FDX2: variants seen among roughly 807,000 people sequenced by gnomAD.
FDX2 encodes ferredoxin-2, mitochondrial.
Under a neutral mutation model 18.5 loss-of-function variants are expected in FDX2, and 13 were observed. The ratio of observed to expected loss-of-function variants is 0.70; its 90% CI spans 0.46 to 1.12. FDX2 has a LOEUF of 1.12. Among genes scored for constraint, FDX2 ranks in the 50% most tolerant of loss-of-function variants. The pLI is 0.00. For synonymous variants in FDX2, 132 were observed against 106.2 expected (o/e 1.24, Z -1.49); for missense variants, 238 against 250.4 (o/e 0.95, Z 0.34).
chr19:10,315,258 G>A (rs886444385), intron 3 of FDX2, 128 bp downstream of exon 3: 5 of 706,374 alleles, frequency 7.1e-6, no homozygotes, highest in Non-Finnish European at 1.2e-5. Context: ...ATGGTGAGGG[G>A]TTTGGATTTT....
chr19:10,311,221 T>C (rs1435990437), intron 3 of FDX2, among the ~76,000 whole-genome samples: 1 of 152,036 alleles, frequency 6.6e-6, no homozygotes, highest in Non-Finnish European at 1.5e-5. Context: ...AGCAGGGACT[T>C]GGCTGCCAGG....
intron 3 of FDX2, among the ~76,000 whole-genome samples, chr19:10,312,762 C>G (rs946064480): frequency 4.6e-5 from 7 of 151,966 alleles, no homozygotes; most frequent in Non-Finnish European, 8.8e-5. Flanking sequence ...TGGTCTTGAT[C>G]TCCTGACCTC....
intron 3 of FDX2, among the ~76,000 whole-genome samples, chr19:10,311,777 T>C (rs1568306663): frequency 6.8e-6 from 1 of 147,738 alleles, no homozygotes; most frequent in Non-Finnish European, 1.5e-5. Context: ...AGTCATAGCT[T>C]ACTGCCTCAA....
intron 3 of FDX2, among the ~76,000 whole-genome samples, chr19:10,313,829 C>T (rs775134872): frequency 4.0e-5 from 6 of 149,144 alleles, no homozygotes; most frequent in Admixed American, 6.7e-5. Context: ...GGACTACAGG[C>T]GCCCACCACC....
At chr19:10,312,860 G>A (rs1193828317) in intron 3 of FDX2, among the ~76,000 whole-genome samples, 1 of 152,034 alleles carries the variant, frequency 6.6e-6, no homozygotes, top group East Asian at 1.9e-4. Context: ...CTACTAGCCC[G>A]GCACAGTGGC....
intron 3 of FDX2, among the ~76,000 whole-genome samples, chr19:10,313,125 G>A (rs1253675088): frequency 6.6e-6 from 1 of 152,158 alleles, no homozygotes; most frequent in African/African-American, 2.4e-5. Flanking sequence ...GTGATAGAGC[G>A]AGACTCTGTC....
In FDX2 at chr19:10,316,014, T is replaced by C; in HGVS notation, c.-9A>G. 1.3e-6 allele frequency: 2 copies of C among 1,593,210 alleles called. No individual in the cohort carries two copies. The highest frequency in any genetic ancestry group is 1.7e-6 in the Non-Finnish European group (2 of 1,174,852). ...GCGGCCATGACATGCATCACGTGAC[T>C]CACCGACTGAGCATGCGCCGCGCCA... is the stretch of plus-strand genomic sequence containing the variant. On this transcript the variant is annotated 5_prime_UTR_variant, in exon 1 of 5. Coordinates refer to ENST00000393708, the MANE Select transcript of FDX2 (RefSeq NM_001031734.4).
chr19:10,314,535 T>A (rs2040357308), intron 3 of FDX2, among the ~76,000 whole-genome samples: 1 of 151,110 alleles, frequency 6.6e-6, no homozygotes, highest in African/African-American at 2.4e-5. Flanking sequence ...ATCATGGCAC[T>A]CCAGCATTGG....
In FDX2 at chr19:10,310,381, C is replaced by A; in HGVS notation, c.*105G>T. On this transcript the variant is annotated 3_prime_UTR_variant, in exon 5 of 5. Coordinates refer to ENST00000393708, the MANE Select transcript of FDX2 (RefSeq NM_001031734.4). ...GTGTTGTCCTTCACAGGGGCTTCCA[C>A]GTCTCTCCCGGGCCTGTCCGCACTC... The A allele has an allele frequency of 6.8e-7, 1 of 1,464,996 alleles. No homozygotes were observed. Among genetic ancestry groups the A allele is most frequent in the Admixed American group, 2.0e-5 (1 of 51,148 alleles). 90.7% of individuals were successfully genotyped at this position (1,464,996 alleles called of 1,614,324 possible). A position where few individuals can be genotyped will look rare whatever the true frequency, so the allele number is the denominator to read the frequency against.
chr19:10,310,930 TTCACAGGCCCCTAGG>T lies in FDX2; in HGVS notation c.317-5_326del. ...GGCAGGTGGAGCAGGCCAGGGAGGC[TTCACAGGCCCCTAGG>T]GGTGGGAAGTGAAGGGGGCGCAGGT... On this transcript the variant is annotated splice_acceptor_variant and splice_polypyrimidine_tract_variant and coding_sequence_variant and intron_variant, in exon 4 of 5. Transcript: ENST00000393708. LOFTEE classifies it high-confidence loss of function. The T allele has an allele frequency of 6.2e-7, 1 of 1,612,102 alleles. No individual in the cohort carries two copies. Among genetic ancestry groups the T allele is most frequent in the African/African-American group, 1.3e-5 (1 of 74,966 alleles).
At position 10,310,847 on chromosome 19, in the gene FDX2, A is replaced by T. The variant is rs1568306315; in HGVS notation, c.404+6T>A. ...GCTGCCAGCTAGACAGGGCTGACCCACTCACCTCTCCTCGGGAGGAGGCAG... is the reference window on the plus strand; with the variant it reads ...GCTGCCAGCTAGACAGGGCTGACCCTCTCACCTCTCCTCGGGAGGAGGCAG... On this transcript the variant is annotated splice_donor_region_variant and intron_variant, in intron 4 of 4. Transcript: ENST00000393708. 1.2e-6 allele frequency: 2 copies of T among 1,612,992 alleles called. No individual in the cohort carries two copies. Among genetic ancestry groups the T allele is most frequent in the Non-Finnish European group, 1.7e-6 (2 of 1,179,564 alleles).
intron 3 of FDX2, among the ~76,000 whole-genome samples, chr19:10,311,756 T>G (rs2040327192): frequency 6.9e-6 from 1 of 143,930 alleles, no homozygotes; most frequent in Non-Finnish European, 1.5e-5. Flanking sequence ...CAGCCTGGAG[T>G]GCCATGGCTC....
At chr19:10,315,795 C>A in intron 1 of FDX2, 36 bp from the exon 2 acceptor site, 1 of 1,599,280 alleles carries the variant, frequency 6.3e-7, no homozygotes, top group East Asian at 2.2e-5. Context: ...CTGCGCCGAG[C>A]CCCGCCCCGC....
chr19:10,313,549 C>A lies in FDX2; in HGVS notation c.316+1837G>T, dbSNP rs1170599590. Among the ~76,000 whole-genome samples the A allele has an allele frequency of 1.2e-4, 18 of 149,670 alleles. No individual in the cohort carries two copies. In the East Asian group the frequency reaches 3.5e-3, roughly 29 times the overall value. ...TGCCCTTAGACCAGGTCTACTTAAC[C>A]TGGGGTTTAGTTGCCTCATCTATAA... is the stretch of plus-strand genomic sequence containing the variant. On this transcript the variant is annotated intron_variant, in intron 3 of 4. Transcript: ENST00000393708.
At chr19:10,315,592 G>C in intron 2 of FDX2, 100 bp from the exon 3 acceptor site, 1 of 1,516,914 alleles carries the variant, frequency 6.6e-7, no homozygotes, top group Admixed American at 1.9e-5. Flanking sequence ...TGACGCACAG[G>C]TACTGAATAG....
chr19:10,313,648 G>GAC (rs1404890369), intron 3 of FDX2, among the ~76,000 whole-genome samples: 37 of 45,232 alleles, frequency 8.2e-4, no homozygotes, highest in Admixed American at 4.3e-3. Flanking sequence ...CATGGTTAAA[G>GAC]ACATATATAT....
Position 10,310,507 on chromosome 19 carries a change from G to A in FDX2, c.540C>T (p.Gly180=), listed in dbSNP as rs988578175. Residue 180 remains glycine, a synonymous_variant, in exon 5 of 5, where the codon GGC becomes GGT. Transcript: ENST00000393708. ...CATGTCAGTGGGGCTTGGGGACATG[G>A]CCATCCACGTAGAAGTTCCTGGTGA... is the stretch of plus-strand genomic sequence containing the variant. 1 of 1,614,180 alleles carries A rather than the reference G, an allele frequency of 6.2e-7. No homozygotes were observed. The highest frequency in any genetic ancestry group is 8.5e-7 in the Non-Finnish European group (1 of 1,180,028).
At chr19:10,315,592 G>A in intron 2 of FDX2, 100 bp from the exon 3 acceptor site, 3 of 1,516,914 alleles carry the variant, frequency 2.0e-6, no homozygotes, top group South Asian at 2.4e-5. Context: ...TGACGCACAG[G>A]TACTGAATAG....
In FDX2 at chr19:10,315,997, G is replaced by A; in HGVS notation, c.9C>T (p.Val3=). Residue 3 remains valine, a synonymous_variant, in exon 1 of 5, where the codon GTC becomes GTT. Transcript: ENST00000393708. ...CTCCCCGGGCCATGGAGGCGGCCAT[G>A]ACATGCATCACGTGACTCACCGACT... is the stretch of plus-strand genomic sequence containing the variant. 6.2e-7 allele frequency: 1 copy of A among 1,602,802 alleles called. No individual in the cohort carries two copies. The highest frequency in any genetic ancestry group is 8.5e-7 in the Non-Finnish European group (1 of 1,177,286).
Sources: allele counts gnomAD v4.1 joint callset (sites outside exome capture counted in the v4.1 genomes callset), GRCh38; gene constraint gnomAD v4.1.1; transcripts MANE v1.5; gene names NCBI Gene and HGNC (gene_info 2026-07-23, HGNC 2026-07-21).